The following CALN1 variants were observed in gnomAD, a reference collection of about 807,000 sequenced individuals.
The protein encoded by CALN1 is calcium-binding protein 8.
Under a neutral mutation model 30.6 loss-of-function variants are expected in CALN1, and 17 were observed. The ratio of observed to expected loss-of-function variants is 0.56; its 90% CI spans 0.38 to 0.83. CALN1 has a LOEUF of 0.83. Ranked by LOEUF, CALN1 falls within the 40% of genes least tolerant of loss-of-function variation. The pLI is 0.00. For missense variants in CALN1, 291 were observed against 354.9 expected (o/e 0.82, Z 1.45); for synonymous variants, 156 against 131.4 (o/e 1.19, Z -1.28).
At chr7:71,805,687 G>A (rs1032840190) in intron 6 of CALN1, among the ~76,000 whole-genome samples, 4 of 152,046 alleles carry the variant, frequency 2.6e-5, no homozygotes, top group South Asian at 2.1e-4. Flanking sequence ...TTCCTCATAG[G>A]CGTTTGCTGC....
At chr7:72,458,891 G>C in the CALN1 span, among the ~76,000 whole-genome samples, 2 of 138,436 alleles carry the variant, frequency 1.4e-5, no homozygotes, top group Non-Finnish European at 3.1e-5. Context: ...TGTTTGTTTT[G>C]GTTTTTTTGG....
At chr7:72,466,810 GAAGAAAGAAA>G in the CALN1 span, among the ~76,000 whole-genome samples, 2 of 138,310 alleles carry the variant, frequency 1.4e-5, no homozygotes, top group African/African-American at 2.7e-5. Context: ...AGGAAGAAAG[GAAGAAAGAAA>G]AAGAAAGAAA....
intron 3 of CALN1, among the ~76,000 whole-genome samples, chr7:72,192,676 C>CT (rs1790700274): frequency 7.5e-6 from 1 of 133,790 alleles, no homozygotes; most frequent in Non-Finnish European, 1.6e-5. Flanking sequence ...TATTATTATA[C>CT]TTTAAGTTTT....
At chr7:72,380,805 G>A (rs991409647) in intron 2 of CALN1, among the ~76,000 whole-genome samples, 3 of 152,236 alleles carry the variant, frequency 2.0e-5, no homozygotes, top group South Asian at 2.1e-4. Flanking sequence ...TAAAGCCATG[G>A]CACTCCAGTC....
chr7:72,434,593 A>G (rs1334096832), intron 1 of CALN1, among the ~76,000 whole-genome samples: 1 of 151,908 alleles, frequency 6.6e-6, no homozygotes, highest in Non-Finnish European at 1.5e-5. Context: ...GGAGAAGAAG[A>G]AGGAGAAGGA....
the CALN1 span, among the ~76,000 whole-genome samples, chr7:72,457,291 CAT>C: frequency 6.6e-6 from 1 of 152,158 alleles, no homozygotes; most frequent in Non-Finnish European, 1.5e-5. Flanking sequence ...ATTTGTTTCT[CAT>C]AGTGTTTGGA....
At chr7:71,819,941 T>C (rs1788497099) in intron 5 of CALN1, among the ~76,000 whole-genome samples, 1 of 152,208 alleles carries the variant, frequency 6.6e-6, no homozygotes. Flanking sequence ...AAAGTTAACC[T>C]GAAAAATGAC....
chr7:72,200,605 T>G (rs1355448547), intron 3 of CALN1, among the ~76,000 whole-genome samples: 2 of 151,972 alleles, frequency 1.3e-5, no homozygotes, highest in Non-Finnish European at 2.9e-5. Context: ...AGCTGAGATC[T>G]GCCATCAAAG....
At chr7:72,248,968 AG>A (rs986434176) in intron 3 of CALN1, among the ~76,000 whole-genome samples, 7 of 152,262 alleles carry the variant, frequency 4.6e-5, no homozygotes, top group African/African-American at 1.7e-4. Flanking sequence ...GCTTAAAAGA[AG>A]TATTTTTAAT....
chr7:72,059,313 A>G lies in CALN1; in HGVS notation c.389-35544T>C, dbSNP rs140231629. ...AGCAATGGTATGATAGGGATGGTATATTAAAGGAATGCTCAAATGACAACA... is the reference window on the plus strand; with the variant it reads ...AGCAATGGTATGATAGGGATGGTATGTTAAAGGAATGCTCAAATGACAACA... On this transcript the variant is annotated intron_variant, in intron 4 of 6. Coordinates refer to ENST00000395275, the MANE Select transcript of CALN1 (RefSeq NM_031468.4). Among the ~76,000 whole-genome samples, 293 of 152,308 alleles carry G rather than the reference A, an allele frequency of 1.9e-3. 1 individual carries two copies. The highest frequency in any genetic ancestry group is 6.4e-3 in the African/African-American group (268 of 41,572).
chr7:72,090,393 A>C (rs1436569377), intron 4 of CALN1, among the ~76,000 whole-genome samples: 1 of 152,234 alleles, frequency 6.6e-6, no homozygotes, highest in Non-Finnish European at 1.5e-5. Flanking sequence ...AAATTTATGA[A>C]GTAGCAGAGG....
chr7:72,368,251 T>C (rs1168057184), intron 2 of CALN1, among the ~76,000 whole-genome samples: 1 of 150,626 alleles, frequency 6.6e-6, no homozygotes, highest in Non-Finnish European at 1.5e-5. Flanking sequence ...ATGCTAGTAA[T>C]GTTCTGTTAA....
intron 5 of CALN1, among the ~76,000 whole-genome samples, chr7:71,938,936 T>C (rs975783384): frequency 3.9e-5 from 6 of 152,128 alleles, no homozygotes; most frequent in Non-Finnish European, 8.8e-5. Context: ...TCAATGCTTG[T>C]CAATGCCTTC....
At chr7:71,881,949 T>C (rs900482942) in intron 5 of CALN1, among the ~76,000 whole-genome samples, 1 of 151,744 alleles carries the variant, frequency 6.6e-6, no homozygotes, top group Admixed American at 6.6e-5. Flanking sequence ...GGTATATGCC[T>C]GTAGTCCCAG....
At chr7:72,156,446 T>C (rs980282636) in intron 3 of CALN1, among the ~76,000 whole-genome samples, 1 of 151,704 alleles carries the variant, frequency 6.6e-6, no homozygotes, top group Admixed American at 6.6e-5. Context: ...TGATGGAGAG[T>C]AGGCAGTCGG....
chr7:72,006,065 T>C (rs564242719), intron 5 of CALN1, among the ~76,000 whole-genome samples: 10 of 152,102 alleles, frequency 6.6e-5, no homozygotes, highest in Middle Eastern at 3.4e-3. Context: ...TTGGGTGGAG[T>C]GTACATGGGA....
At chr7:71,952,250 T>TC (rs1796729746) in intron 5 of CALN1, among the ~76,000 whole-genome samples, 1 of 152,178 alleles carries the variant, frequency 6.6e-6, no homozygotes, top group African/African-American at 2.4e-5. Flanking sequence ...CATGAAACTT[T>TC]CATGCTTAGG....
intron 2 of CALN1, among the ~76,000 whole-genome samples, chr7:72,359,711 C>A (rs1490683151): frequency 6.6e-6 from 1 of 152,080 alleles, no homozygotes; most frequent in African/African-American, 2.4e-5. Flanking sequence ...AAAGATGGCT[C>A]ACGCCTGTAA....
At chr7:72,292,494 A>C (rs117051263) in intron 2 of CALN1, among the ~76,000 whole-genome samples, 5,125 of 148,882 alleles carry the variant, frequency 0.034, 134 homozygotes, top group Non-Finnish European at 0.051. Context: ...CTCAAAGGCC[A>C]TATCTGCTAA....
Sources: gnomAD v4.1 joint callset for allele counts (sites outside exome capture counted in the v4.1 genomes callset) on GRCh38, gnomAD v4.1.1 for gene constraint, MANE v1.5 for transcripts, NCBI Gene and HGNC (gene_info 2026-07-23, HGNC 2026-07-21) for gene names.